SKP2: variants seen among roughly 807,000 people sequenced by gnomAD.
SKP2 encodes the protein S-phase kinase-associated protein 2.
SKP2 carries 16 observed loss-of-function variants against 51.8 expected under a neutral mutation model. The ratio of observed to expected loss-of-function variants is 0.31; its 90% CI spans 0.21 to 0.47. The LOEUF is 0.47. Among genes scored for constraint, SKP2 ranks in the 20% least tolerant of loss-of-function variants. The probability of loss-of-function intolerance (pLI) is 1.00; values close to 1 mark genes in which losing one functional copy is unlikely to be tolerated. For missense variants in SKP2, 377 were observed against 505.3 expected (o/e 0.75, Z 2.43); for synonymous variants, 176 against 198.6 (o/e 0.89, Z 0.96).
chr5:36,152,747 CGG>C (rs1458288440), intron 1 of SKP2, 22 bp from the exon 2 acceptor site: 1 of 1,605,734 alleles, frequency 6.2e-7, no homozygotes, highest in African/African-American at 1.3e-5. Flanking sequence ...CGAAAGGAAC[CGG>C]GGGTATTGTG....
In SKP2 at chr5:36,183,050, G is replaced by A. The variant is rs1745859860; in HGVS notation, c.*1019G>A. On this transcript the variant is annotated 3_prime_UTR_variant, in exon 10 of 10. Transcript: ENST00000274255. The stretch of plus-strand genomic sequence containing the variant: ...ATTGTTTGAAACTATCCATATATAA[G>A]GTTATCAGACCTACAGTTCCCTAAG... 3 of 968,268 alleles carry A rather than the reference G, an allele frequency of 3.1e-6. No homozygotes were observed. In the South Asian group the frequency reaches 1.4e-4, roughly 46 times the overall value. The allele number at this position is 968,268 out of a possible 1,614,324, so 60.0% of individuals were successfully genotyped here. A position where few individuals can be genotyped will look rare whatever the true frequency, so the allele number is the denominator to read the frequency against.
chr5:36,190,313 C>T (rs1466689313), intron 6 of SKP2, among the ~76,000 whole-genome samples: 1 of 152,138 alleles, frequency 6.6e-6, no homozygotes, highest in Non-Finnish European at 1.5e-5. Context: ...GCGTCGCTCA[C>T]ACTGGGAGCT....
rs1441063392 is a variant in SKP2, at chr5:36,191,896, ATAC to A, written c.633-722_633-720del. 3.5e-5 allele frequency among the ~76,000 whole-genome samples: 4 copies of A among 113,072 alleles called. No homozygotes were observed. In the East Asian group the frequency reaches 9.3e-4, roughly 26 times the overall value. The allele number at this position is 113,072 out of a possible 152,430, so 74.2% of individuals were successfully genotyped here. On this transcript the variant is annotated intron_variant, in intron 6 of 7. Transcript: ENST00000677886. ...ATACAAGTCAAAGCCCTAAAAGCCT[ATAC>A]TAATATTATGGATAACTCAAAACGT...
In SKP2 at chr5:36,183,550, A is replaced by C. The variant is rs1229403264; in HGVS notation, c.*1519A>C. The C allele has an allele frequency of 9.9e-7, 1 of 1,010,416 alleles. No homozygotes were observed. The highest frequency in any genetic ancestry group is 1.7e-5 in the African/African-American group (1 of 58,212). 62.6% of individuals were successfully genotyped at this position (1,010,416 alleles called of 1,614,324 possible). A position where few individuals can be genotyped will look rare whatever the true frequency, so the allele number is the denominator to read the frequency against. On this transcript the variant is annotated 3_prime_UTR_variant, in exon 10 of 10. Coordinates refer to ENST00000274255, the MANE Select transcript of SKP2 (RefSeq NM_005983.4). ...CCAAAGTGCTGGGATTACAGGCATG[A>C]GCAACTGCGCCCAGCCAAATTCTAC...
intron 2 of SKP2, among the ~76,000 whole-genome samples, chr5:36,157,061 A>G (rs945676683): frequency 1.3e-5 from 2 of 152,202 alleles, no homozygotes; most frequent in African/African-American, 4.8e-5. Flanking sequence ...TTATATGTAC[A>G]TATATGCTAG....
At chr5:36,176,906 A>G in intron 7 of SKP2, 59 bp from the exon 8 acceptor site, 2 of 1,135,554 alleles carry the variant, frequency 1.8e-6, no homozygotes, top group Non-Finnish European at 2.6e-6. Context: ...AGTGATAACA[A>G]ATATCCTTGT....
At chr5:36,181,755 T>C (rs996660670) in intron 9 of SKP2, 63 bp from the exon 10 acceptor site, 8 of 1,577,528 alleles carry the variant, frequency 5.1e-6, no homozygotes, top group African/African-American at 2.7e-5. Flanking sequence ...TTGGGTCATA[T>C]AACTCTAGTC....
At chr5:36,166,259 T>TA (rs1745285224) in intron 3 of SKP2, among the ~76,000 whole-genome samples, 1 of 152,240 alleles carries the variant, frequency 6.6e-6, no homozygotes, top group Admixed American at 6.5e-5. Context: ...ACGGCAGTGC[T>TA]AATGTTCACA....
intron 7 of SKP2, among the ~76,000 whole-genome samples, chr5:36,175,779 A>C (rs575238541): frequency 8.5e-5 from 13 of 152,194 alleles, no homozygotes; most frequent in African/African-American, 2.6e-4. Flanking sequence ...AAGCGTTTTC[A>C]TAATGATTAG....
rs116502697 is a variant in SKP2, at chr5:36,176,732, G to A, written c.902-233G>A. On this transcript the variant is annotated intron_variant, in intron 7 of 9. Coordinates refer to ENST00000274255, the MANE Select transcript of SKP2 (RefSeq NM_005983.4). ...TCCAGCCTGCTATTGCTGATACATA[G>A]ATAAGCTAAAGATTGTCATTTTACA... 4.8e-3 allele frequency among the ~76,000 whole-genome samples: 725 copies of A among 151,912 alleles called. 1 individual carries two copies. The highest frequency in any genetic ancestry group is 0.016 in the African/African-American group (683 of 41,484).
In SKP2 at chr5:36,181,878, T is replaced by A; in HGVS notation, c.1122T>A (p.Gly374=). The part of the protein sequence containing the change: ...TLQVFGIVPD[G]TLQLLKEALP... ...AAGTTTTTGGAATCGTGCCAGATGGTACCCTTCAACTGTTAAAGGAAGCCC... is the reference window on the plus strand; with the variant it reads ...AAGTTTTTGGAATCGTGCCAGATGGAACCCTTCAACTGTTAAAGGAAGCCC... The change falls in exon 10 of 10, where the codon GGT becomes GGA. Residue 374 remains glycine (G), a synonymous_variant. Transcript: ENST00000274255. 1 of 1,614,078 alleles carries A rather than the reference T, an allele frequency of 6.2e-7. No homozygotes were observed. Among genetic ancestry groups the A allele is most frequent in the Non-Finnish European group, 8.5e-7 (1 of 1,179,954 alleles).
chr5:36,185,390 T>G (rs1439331095), downstream of SKP2, among the ~76,000 whole-genome samples: 1 of 152,040 alleles, frequency 6.6e-6, no homozygotes, highest in Non-Finnish European at 1.5e-5. Context: ...TTTATGGTTT[T>G]AGGTCTAAGT....
chr5:36,177,136 T>C (rs1008235933), intron 8 of SKP2, 49 bp from the exon 9 acceptor site: 6 of 1,356,074 alleles, frequency 4.4e-6, no homozygotes, highest in Non-Finnish European at 6.3e-6. Flanking sequence ...CTTCTTTATC[T>C]AGGATCAATG....
intron 2 of SKP2, among the ~76,000 whole-genome samples, chr5:36,160,169 C>T (rs955148396): frequency 1.1e-4 from 17 of 152,148 alleles, no homozygotes; most frequent in African/African-American, 3.6e-4. Context: ...GGCAACACAG[C>T]CAGGATTCTG....
chr5:36,152,173 C>T lies in SKP2; in HGVS notation c.-90C>T, dbSNP rs778989402. 7.0e-6 allele frequency: 10 copies of T among 1,427,298 alleles called. No homozygotes were observed. Among genetic ancestry groups the T allele is most frequent in the Admixed American group, 6.7e-5 (4 of 59,542 alleles). The allele number at this position is 1,427,298 out of a possible 1,614,324, so 88.4% of individuals were successfully genotyped here. A position where few individuals can be genotyped will look rare whatever the true frequency, so the allele number is the denominator to read the frequency against. On this transcript the variant is annotated 5_prime_UTR_variant, in exon 1 of 10. Transcript: ENST00000274255. ...CTGCTGGGGGCCCGAGCAGCACGCT[C>T]GGAGCCGCCGCGCGCCAAAGCGGGA...
At chr5:36,152,737 C>G (rs376372181) in intron 1 of SKP2, 34 bp from the exon 2 acceptor site, 9 of 1,595,506 alleles carry the variant, frequency 5.6e-6, no homozygotes, top group Middle Eastern at 2.2e-4. Context: ...GGTGTGTTTT[C>G]GAAAGGAACC....
chr5:36,166,738 T>TC (rs1209397644), intron 4 of SKP2, 76 bp downstream of exon 4: 105 of 1,386,402 alleles, frequency 7.6e-5, no homozygotes, highest in South Asian at 6.0e-4. Flanking sequence ...TTTTTTTTTT[T>TC]TTCTTTCTTC....
At chr5:36,163,825 G>A (rs925057959) in intron 3 of SKP2, 69 bp downstream of exon 3, 1 of 1,079,458 alleles carries the variant, frequency 9.3e-7, no homozygotes, top group East Asian at 2.4e-5. Flanking sequence ...TATTCGTTTT[G>A]GTCTGATGAA....
chr5:36,189,851 G>T (rs981547956), intron 6 of SKP2, among the ~76,000 whole-genome samples: 1 of 152,206 alleles, frequency 6.6e-6, no homozygotes, highest in Admixed American at 6.5e-5. Context: ...GCCTCCTTGA[G>T]CTGCAGTGGG....
Sources: allele counts gnomAD v4.1 joint callset (sites outside exome capture counted in the v4.1 genomes callset), GRCh38; gene constraint gnomAD v4.1.1; transcripts MANE v1.5; gene names NCBI Gene and HGNC (gene_info 2026-07-23, HGNC 2026-07-21).